Variants in TACC1 observed in about 807,000 individuals in gnomAD.
TACC1 encodes transforming acidic coiled-coil-containing protein 1.
TACC1 carries 48 observed loss-of-function variants against 84.4 expected under a neutral mutation model. The ratio of observed to expected loss-of-function variants is 0.57; its 90% CI spans 0.45 to 0.72. TACC1 has a LOEUF of 0.72. Among genes scored for constraint, TACC1 ranks in the 30% least tolerant of loss-of-function variants. TACC1 has a pLI of 0.00. For synonymous variants in TACC1, 372 were observed against 376.3 expected (o/e 0.99, Z 0.13); for missense variants, 920 against 973.0 (o/e 0.95, Z 0.72).
At chr8:38,839,369 AAGT>A (rs1252235315) in intron 8 of TACC1, 1 of 395,040 alleles carries the variant, frequency 2.5e-6, no homozygotes, top group Non-Finnish European at 4.5e-6. Context: ...GATGAAATCA[AAGT>A]AGAGAAGAAA....
chr8:38,829,381 GA>G (rs1828770426), intron 5 of TACC1, among the ~76,000 whole-genome samples: 1 of 152,158 alleles, frequency 6.6e-6, no homozygotes, highest in Non-Finnish European at 1.5e-5. Flanking sequence ...CTTTCCCAAA[GA>G]TATTGTTCAC....
upstream of TACC1, among the ~76,000 whole-genome samples, chr8:38,784,364 A>C (rs1335920759): frequency 1.3e-5 from 2 of 152,076 alleles, no homozygotes; most frequent in African/African-American, 2.4e-5. Context: ...TCAGGAGTTC[A>C]AGACCAGCCT....
At chr8:38,822,235 A>G (rs1827012853) in intron 3 of TACC1, among the ~76,000 whole-genome samples, 1 of 124,238 alleles carries the variant, frequency 8.0e-6, no homozygotes, top group Non-Finnish European at 1.6e-5. Flanking sequence ...GCAGAGCAAG[A>G]CCCTGTCTTT....
intron 2 of TACC1, among the ~76,000 whole-genome samples, chr8:38,794,564 G>GTGTGTGTGTGTGTGCTTGTT (rs1242160820): frequency 3.5e-5 from 2 of 57,592 alleles, no homozygotes; most frequent in African/African-American, 1.7e-4. Context: ...GTGTTTGTTT[G>GTGTGTGTGTGTGTGCTTGTT]TGTGTGTGTG....
chr8:38,739,045 C>G (rs1407500893), intron 1 of TACC1, among the ~76,000 whole-genome samples: 3 of 152,202 alleles, frequency 2.0e-5, no homozygotes, highest in Admixed American at 2.0e-4. Context: ...CACCTGCCAA[C>G]ATGCCCGGCT....
intron 5 of TACC1, among the ~76,000 whole-genome samples, chr8:38,830,561 C>T (rs1421299764): frequency 6.6e-6 from 1 of 152,206 alleles, no homozygotes; most frequent in African/African-American, 2.4e-5. Context: ...GCCACTGTGC[C>T]CAGCCATCTT....
chr8:38,752,807 G>A lies in TACC1; in HGVS notation c.26+7314G>A, dbSNP rs112488046. ...ATTCTCTCTATGTTCTGTATCAAAT[G>A]CAATACCAAGTAGTGTCCAACTATG... On this transcript the variant is annotated intron_variant, in intron 3 of 14. Transcript: ENST00000518415. 3.0e-3 allele frequency among the ~76,000 whole-genome samples: 454 copies of A among 152,134 alleles called. 5 individuals carry two copies. The highest frequency in any genetic ancestry group is 0.01 in the African/African-American group (435 of 41,514).
At chr8:38,763,677 G>T (rs1279362710) in intron 3 of TACC1, among the ~76,000 whole-genome samples, 1 of 151,978 alleles carries the variant, frequency 6.6e-6, no homozygotes, top group Non-Finnish European at 1.5e-5. Flanking sequence ...TTCAAAAATG[G>T]GGTTCTGCTA....
chr8:38,815,135 G>A (rs933520731), intron 2 of TACC1, among the ~76,000 whole-genome samples: 1 of 152,168 alleles, frequency 6.6e-6, no homozygotes. Context: ...CCTGCTGGGC[G>A]CACCAGGATA....
At chr8:38,785,750 T>C, upstream of TACC1, 1 of 983,784 alleles carries the variant, frequency 1.0e-6, no homozygotes, top group Non-Finnish European at 1.2e-6. Context: ...AGCATAAACC[T>C]AAAACTACAA....
intron 3 of TACC1, among the ~76,000 whole-genome samples, chr8:38,761,746 C>T (rs919819327): frequency 6.6e-6 from 1 of 152,252 alleles, no homozygotes; most frequent in Middle Eastern, 3.4e-3. Context: ...TTCCCATTTG[C>T]TATAGAAGTT....
chr8:38,842,195 G>A, intron 9 of TACC1, 92 bp from the exon 10 acceptor site: 2 of 1,463,982 alleles, frequency 1.4e-6, no homozygotes, highest in Non-Finnish European at 1.9e-6. Context: ...CACATCCCCG[G>A]CTGTGTCCCT....
chr8:38,734,389 A>G (rs1026729524), intron 1 of TACC1, among the ~76,000 whole-genome samples: 3 of 152,058 alleles, frequency 2.0e-5, no homozygotes, highest in Non-Finnish European at 4.4e-5. Flanking sequence ...ACGGGGTTTC[A>G]CCATGTTGGC....
At chr8:38,756,793 C>T (rs1810120415) in intron 3 of TACC1, among the ~76,000 whole-genome samples, 1 of 152,214 alleles carries the variant, frequency 6.6e-6, no homozygotes, top group Non-Finnish European at 1.5e-5. Context: ...TCTCAGGAGG[C>T]AGAAGCGGTT....
chr8:38,843,221 ACT>A (rs1831580733), intron 10 of TACC1, 66 bp from the exon 11 acceptor site: 2 of 1,067,476 alleles, frequency 1.9e-6, no homozygotes, highest in Non-Finnish European at 2.7e-6. Context: ...AAAAATGAAA[ACT>A]CTGATATGTG....
chr8:38,799,973 A>G (rs1180227952), intron 2 of TACC1: 1 of 152,250 alleles, frequency 6.6e-6, no homozygotes, highest in Non-Finnish European at 1.5e-5. Context: ...GGGCAACAAA[A>G]TGAGACCCCG....
intron 3 of TACC1, among the ~76,000 whole-genome samples, chr8:38,748,589 A>G (rs1158939127): frequency 6.6e-6 from 1 of 152,164 alleles, no homozygotes. Flanking sequence ...TTGAAATCAA[A>G]TAGTTTGTTC....
At chr8:38,781,240 A>G (rs1390794182) in intron 3 of TACC1, among the ~76,000 whole-genome samples, 1 of 152,110 alleles carries the variant, frequency 6.6e-6, no homozygotes, top group Non-Finnish European at 1.5e-5. Flanking sequence ...AGAATATTTT[A>G]TATTAGGGTG....
At chr8:38,826,229 T>C (rs1000206879) in intron 4 of TACC1, among the ~76,000 whole-genome samples, 2 of 152,208 alleles carry the variant, frequency 1.3e-5, no homozygotes, top group Admixed American at 6.5e-5. Flanking sequence ...CAATCTGAGT[T>C]ATTTTTCATC....
Sources: allele counts gnomAD v4.1 joint callset (sites outside exome capture counted in the v4.1 genomes callset), GRCh38; gene constraint gnomAD v4.1.1; transcripts MANE v1.5; gene names NCBI Gene and HGNC (gene_info 2026-07-23, HGNC 2026-07-21).